Variants in POT1 observed in about 807,000 individuals in gnomAD.
POT1 encodes the protein protection of telomeres protein 1.
POT1 carries 47 observed loss-of-function variants against 78.5 expected under a neutral mutation model. That is an observed-to-expected ratio of 0.60 (90% CI 0.47 to 0.76). The LOEUF (loss-of-function observed/expected upper bound fraction) is 0.76. Ranked by LOEUF, POT1 falls within the 30% of genes least tolerant of loss-of-function variation. The pLI, the probability that POT1 is intolerant of heterozygous loss-of-function variation, is 0.00. For missense variants in POT1, 646 were observed against 749.9 expected, an observed-to-expected ratio of 0.86 and a Z score of 1.62; for synonymous variants, 259 against 260.7, an observed-to-expected ratio of 0.99 and a Z score of 0.06.
intron 12 of POT1, 128 bp downstream of exon 12, chr7:124,846,814 T>G: frequency 1.7e-6 from 1 of 598,712 alleles, no homozygotes; most frequent in South Asian, 2.7e-5. Context: ...AAGTTAAATA[T>G]GGACATATTT....
intron 12 of POT1, among the ~76,000 whole-genome samples, chr7:124,845,456 T>C (rs1205408510): frequency 1.3e-5 from 2 of 152,214 alleles, no homozygotes; most frequent in Non-Finnish European, 2.9e-5. Context: ...GCGTAAGTGA[T>C]ACTGTATGCT....
chr7:124,916,532 T>C (rs116537077), intron 2 of POT1, among the ~76,000 whole-genome samples: 6 of 152,136 alleles, frequency 3.9e-5, no homozygotes, highest in Non-Finnish European at 8.8e-5. Flanking sequence ...TCATTACTTC[T>C]AATGAGAATA....
chr7:124,835,271 C>T lies in POT1; in HGVS notation c.1505+8G>A, dbSNP rs1364537881. ...CAAAACAAAACAAAACAAAACAAAA[C>T]AAAATACCCATAGTGATGTATTGTT... On this transcript the variant is annotated splice_region_variant and intron_variant, in intron 15 of 18. Coordinates refer to ENST00000357628, the MANE Select transcript of POT1 (RefSeq NM_015450.3). 2 of 1,562,442 alleles carry T rather than the reference C, an allele frequency of 1.3e-6. No individual in the cohort carries two copies. The highest frequency in any genetic ancestry group is 1.7e-6 in the Non-Finnish European group (2 of 1,146,166).
chr7:124,872,170 G>GTT (rs1324718777), intron 6 of POT1, among the ~76,000 whole-genome samples: 2 of 152,054 alleles, frequency 1.3e-5, no homozygotes, highest in African/African-American at 4.8e-5. Context: ...AATTTCCTTT[G>GTT]TATGTCTAAA....
chr7:124,828,985 G>A (rs754054227), intron 16 of POT1: 2 of 663,682 alleles, frequency 3.0e-6, no homozygotes, highest in African/African-American at 3.5e-5. Flanking sequence ...TCTGAGAAAA[G>A]CACTGGTAAA....
chr7:124,866,398 C>T (rs1321159057), intron 7 of POT1, among the ~76,000 whole-genome samples: 1 of 152,108 alleles, frequency 6.6e-6, no homozygotes, highest in African/African-American at 2.4e-5. Context: ...CTTGGACTTC[C>T]AGCACCCCAT....
intron 15 of POT1, among the ~76,000 whole-genome samples, chr7:124,832,644 G>A (rs1794794575): frequency 6.6e-6 from 1 of 151,814 alleles, no homozygotes; most frequent in African/African-American, 2.4e-5. Flanking sequence ...GTGAAACCTC[G>A]TTTCTAATAA....
chr7:124,858,910 A>G (rs1795511653), intron 9 of POT1, 47 bp downstream of exon 9: 2 of 1,435,062 alleles, frequency 1.4e-6, no homozygotes, highest in East Asian at 4.7e-5. Context: ...AAAAATCACT[A>G]TAATTTATAA....
intron 8 of POT1, among the ~76,000 whole-genome samples, chr7:124,859,368 T>C (rs1795528757): frequency 6.6e-6 from 1 of 152,134 alleles, no homozygotes; most frequent in African/African-American, 2.4e-5. Context: ...CTGAGTCAAG[T>C]GCTTTATACA....
chr7:124,837,403 T>C (rs1794924500), intron 14 of POT1, among the ~76,000 whole-genome samples: 2 of 152,110 alleles, frequency 1.3e-5, no homozygotes, highest in Admixed American at 6.6e-5. Flanking sequence ...TTAAATGTTA[T>C]GCAGTTTAAA....
At chr7:124,870,844 C>T in intron 7 of POT1, 67 bp downstream of exon 7, 1 of 1,298,066 alleles carries the variant, frequency 7.7e-7, no homozygotes, top group Non-Finnish European at 1.0e-6. Context: ...TTAGTGCTAA[C>T]TAGTTTCAGT....
intron 2 of POT1, among the ~76,000 whole-genome samples, chr7:124,918,346 G>A (rs1435030981): frequency 6.6e-6 from 1 of 152,134 alleles, no homozygotes. Flanking sequence ...ACTTCCTAGA[G>A]GGGGGACCAA....
intron 6 of POT1, among the ~76,000 whole-genome samples, chr7:124,873,121 C>T (rs1795909841): frequency 6.6e-6 from 1 of 152,132 alleles, no homozygotes; most frequent in South Asian, 2.1e-4. Flanking sequence ...ATTCTTTACT[C>T]TGTTAATGTT....
At chr7:124,872,971 G>A (rs1795906407) in intron 6 of POT1, among the ~76,000 whole-genome samples, 1 of 152,100 alleles carries the variant, frequency 6.6e-6, no homozygotes, top group Non-Finnish European at 1.5e-5. Flanking sequence ...TCTGCCATTT[G>A]TATGTCATTT....
At chr7:124,834,000 A>C (rs1051468061) in intron 15 of POT1, among the ~76,000 whole-genome samples, 2 of 152,220 alleles carry the variant, frequency 1.3e-5, no homozygotes, top group African/African-American at 4.8e-5. Flanking sequence ...GACAAAAACA[A>C]GCAATGGGGA....
intron 17 of POT1, 59 bp from the exon 18 acceptor site, chr7:124,825,416 A>G (rs1257028049): frequency 9.8e-7 from 1 of 1,018,072 alleles, no homozygotes; most frequent in African/African-American, 1.6e-5. Context: ...TTTTAATGTT[A>G]TTATTAACAC....
intron 7 of POT1, among the ~76,000 whole-genome samples, chr7:124,865,543 T>A (rs1290694632): frequency 6.6e-6 from 1 of 151,980 alleles, no homozygotes; most frequent in Non-Finnish European, 1.5e-5. Context: ...ATTTAGCCCA[T>A]CCATTAGATT....
chr7:124,871,877 C>A (rs1341854567), intron 6 of POT1, among the ~76,000 whole-genome samples: 1 of 151,728 alleles, frequency 6.6e-6, no homozygotes. Flanking sequence ...ATTTTTGCAG[C>A]GAGAACACTT....
intron 17 of POT1, among the ~76,000 whole-genome samples, chr7:124,826,222 T>C (rs912522260): frequency 6.6e-6 from 1 of 152,174 alleles, no homozygotes; most frequent in African/African-American, 2.4e-5. Flanking sequence ...ATATTATGTA[T>C]ACTGCTACAC....
Sources: allele counts gnomAD v4.1 joint callset (sites outside exome capture counted in the v4.1 genomes callset), GRCh38; gene constraint gnomAD v4.1.1; transcripts MANE v1.5; gene names NCBI Gene and HGNC (gene_info 2026-07-23, HGNC 2026-07-21).